The following TMEM131 variants were observed in gnomAD, a reference collection of about 807,000 sequenced individuals.
The protein encoded by TMEM131 is 2610524E03Rik.
Under a neutral mutation model 211.6 loss-of-function variants are expected in TMEM131, and 66 were observed. The observed-to-expected ratio is 0.31, with a 90% CI of 0.26 to 0.38. The LOEUF is 0.38. TMEM131 is among the 10% of genes least tolerant of loss of function. TMEM131 has a pLI of 1.00. For missense variants in TMEM131, 2,036 were observed against 2,299.3 expected (o/e 0.89, Z 2.34); for synonymous variants, 844 against 841.3 (o/e 1.00, Z -0.06).
intron 1 of TMEM131, among the ~76,000 whole-genome samples, chr2:97,928,653 A>G (rs1471954802): frequency 6.6e-6 from 1 of 151,840 alleles, no homozygotes; most frequent in Non-Finnish European, 1.5e-5. Flanking sequence ...GGCAAAAGAA[A>G]CCATACACAC....
chr2:97,988,937 C>T (rs769434016), intron 1 of TMEM131, among the ~76,000 whole-genome samples: 24 of 152,134 alleles, frequency 1.6e-4, no homozygotes, highest in African/African-American at 5.8e-4. Context: ...AAACCAGGGT[C>T]TTGAAGAGAT....
intron 1 of TMEM131, among the ~76,000 whole-genome samples, chr2:97,980,898 T>C (rs1679758275): frequency 6.6e-6 from 1 of 151,934 alleles, no homozygotes; most frequent in South Asian, 2.1e-4. Flanking sequence ...GATCAGTGGT[T>C]GACAAGAGTC....
At position 97,796,339 on chromosome 2, in the gene TMEM131, G is replaced by A; in HGVS notation, c.3079C>T (p.Leu1027Phe). Residue 1027 changes from leucine (L) to phenylalanine (F), a missense_variant, in exon 28 of 41, where the codon CTT becomes TTT. By Grantham distance (22) the Leu-to-Phe change is conservative. This residue lies in a region of TMEM131 where 1,623 missense variants were observed against 1,805.9 expected (regional missense o/e 0.90). Coordinates refer to ENST00000186436, the MANE Select transcript of TMEM131 (RefSeq NM_015348.2). ...RTFKVENTGQ[L>F]QIHIETIEIS... ...TCAATGGTTTCTATGTGAATTTGAA[G>A]TTGTCCTGTATTCTCTACCTTAAAT... The A allele has an allele frequency of 6.4e-7, 1 of 1,553,816 alleles. No homozygotes were observed.
chr2:97,780,979 C>T (rs978371018), intron 31 of TMEM131, among the ~76,000 whole-genome samples: 3 of 152,124 alleles, frequency 2.0e-5, no homozygotes, highest in Non-Finnish European at 2.9e-5. Context: ...CACCACTGCC[C>T]GGATGAAGCA....
intron 2 of TMEM131, among the ~76,000 whole-genome samples, chr2:97,919,713 G>C (rs1364725462): frequency 6.6e-6 from 1 of 152,168 alleles, no homozygotes; most frequent in African/African-American, 2.4e-5. Context: ...TGGGATTACA[G>C]GCATGTGCCA....
In TMEM131 at chr2:97,766,192, T is replaced by G. The variant is rs1679155872; in HGVS notation, c.4645A>C (p.Asn1549His). The G allele has an allele frequency of 6.2e-7, 1 of 1,614,058 alleles. No homozygotes were observed. The highest frequency in any genetic ancestry group is 8.5e-7 in the Non-Finnish European group (1 of 1,179,902). The part of the protein sequence containing the change: ...KFLPNSQELG[N>H]TSSSEGEKDS... The stretch of plus-strand genomic sequence containing the variant: ...TTTTCACCCTCTGAGCTACTGGTGT[T>G]GCCTAATTCTTGACTATTCGGGAGG... The change falls in exon 35 of 41, where the codon AAC (asparagine) becomes CAC (histidine). Residue 1549 changes from asparagine (N) to histidine (H), a missense_variant. Coordinates refer to ENST00000186436, the MANE Select transcript of TMEM131 (RefSeq NM_015348.2).
At position 97,796,910 on chromosome 2, in the gene TMEM131, G is replaced by A; in HGVS notation, c.2947C>T (p.Leu983Phe). 1 of 1,613,932 alleles carries A rather than the reference G, an allele frequency of 6.2e-7. No individual in the cohort carries two copies. Among genetic ancestry groups the A allele is most frequent in the Non-Finnish European group, 8.5e-7 (1 of 1,179,834 alleles). Residue 983 changes from leucine to phenylalanine, a missense_variant, in exon 27 of 41, where the codon CTT becomes TTT. Leu to Phe is a conservative substitution (Grantham distance 22, BLOSUM62 0). Coordinates refer to ENST00000186436, the MANE Select transcript of TMEM131 (RefSeq NM_015348.2). ...CGTAAGGAGCTTCCTGGACCTGGAA[G>A]CTTGCCTGCCACCCTCAAGTTCTCA... ...TTENLRVAGK[L>F]PGPGSSLRFK...
intron 31 of TMEM131, among the ~76,000 whole-genome samples, chr2:97,782,882 G>C (rs1020484222): frequency 6.6e-6 from 1 of 151,334 alleles, no homozygotes; most frequent in Admixed American, 6.6e-5. Flanking sequence ...AGAAGGAAAG[G>C]AGAAAAAGGA....
chr2:97,933,945 A>C (rs930638653), intron 1 of TMEM131, among the ~76,000 whole-genome samples: 21 of 152,132 alleles, frequency 1.4e-4, no homozygotes, highest in Non-Finnish European at 5.9e-5. Context: ...AAAAGACTGA[A>C]TATATAGGCC....
intron 11 of TMEM131, among the ~76,000 whole-genome samples, chr2:97,823,640 C>G (rs915213114): frequency 6.6e-6 from 1 of 152,196 alleles, no homozygotes; most frequent in African/African-American, 2.4e-5. Context: ...GACTCAAGAT[C>G]ATGGGGACTG....
At chr2:97,815,390 TAAAAA>T in intron 12 of TMEM131, 83 bp from the exon 13 acceptor site, 5 of 632,636 alleles carry the variant, frequency 7.9e-6, no homozygotes, top group Middle Eastern at 9.0e-4. Flanking sequence ...GACAAAATCT[TAAAAA>T]AAAAAAAAGT....
At chr2:97,899,195 G>A (rs1364836081) in intron 3 of TMEM131, among the ~76,000 whole-genome samples, 1 of 151,994 alleles carries the variant, frequency 6.6e-6, no homozygotes, top group African/African-American at 2.4e-5. Context: ...AGTCTACTTT[G>A]TCTGAGAGTA....
chr2:97,814,779 C>T (rs548493919), intron 13 of TMEM131, among the ~76,000 whole-genome samples: 6 of 152,054 alleles, frequency 3.9e-5, no homozygotes, highest in Non-Finnish European at 8.8e-5. Flanking sequence ...ATGTCACTTC[C>T]CATTTATAAA....
chr2:97,781,949 T>C (rs921861337), intron 31 of TMEM131, among the ~76,000 whole-genome samples: 2 of 152,166 alleles, frequency 1.3e-5, no homozygotes, highest in African/African-American at 4.8e-5. Context: ...TATCCACCCA[T>C]GCCAACAAAG....
intron 31 of TMEM131, among the ~76,000 whole-genome samples, chr2:97,786,763 A>G (rs1376802123): frequency 6.6e-6 from 1 of 152,216 alleles, no homozygotes; most frequent in Non-Finnish European, 1.5e-5. Flanking sequence ...TTCAATGTGA[A>G]GATGCTGGGT....
At chr2:97,776,165 T>C in intron 31 of TMEM131, 147 bp from the exon 32 acceptor site, 1 of 753,212 alleles carries the variant, frequency 1.3e-6, no homozygotes, top group South Asian at 1.9e-5. Flanking sequence ...ACCATTCTCC[T>C]GCCTCAGCCT....
intron 11 of TMEM131, among the ~76,000 whole-genome samples, chr2:97,830,819 T>C (rs1332089267): frequency 1.3e-5 from 2 of 152,220 alleles, no homozygotes; most frequent in East Asian, 1.9e-4. Flanking sequence ...CTATTTGGAA[T>C]TGCTTGCTTT....
intron 4 of TMEM131, among the ~76,000 whole-genome samples, chr2:97,869,508 G>A (rs1012565338): frequency 6.6e-6 from 1 of 152,228 alleles, no homozygotes; most frequent in East Asian, 1.9e-4. Flanking sequence ...TACTTATGTT[G>A]TTCAAAGTAG....
rs566863020 is a variant in TMEM131 at position 97,882,144 on chromosome 2, A to T, written c.359+5908T>A. Among the ~76,000 whole-genome samples, 16 of 152,334 alleles carry T rather than the reference A, an allele frequency of 1.1e-4. No homozygotes were observed. In the South Asian group the frequency reaches 3.3e-3, roughly 32 times the overall value. On this transcript the variant is annotated intron_variant, in intron 4 of 40. Transcript: ENST00000186436. Reference sequence around the variant, plus strand: ...ATCTCTCTTCATTTTCTAGAGTCAGAAGTTCAAAATTTAGGAACCTCTTTG... The same window carrying T: ...ATCTCTCTTCATTTTCTAGAGTCAGTAGTTCAAAATTTAGGAACCTCTTTG...
Sources: allele counts gnomAD v4.1 joint callset (sites outside exome capture counted in the v4.1 genomes callset), GRCh38; gene constraint gnomAD v4.1.1; regional missense constraint gnomAD v4.1.1; transcripts MANE v1.5; gene names NCBI Gene and HGNC (gene_info 2026-07-23, HGNC 2026-07-21).